PITPNM2: variants seen among roughly 807,000 people sequenced by gnomAD.
PITPNM2 encodes phosphatidylinositol transfer protein membrane associated 2.
PITPNM2 carries 35 observed loss-of-function variants against 132.2 expected under a neutral mutation model. The ratio of observed to expected loss-of-function variants is 0.26; its 90% confidence interval spans 0.20 to 0.35. The LOEUF is 0.35. Among genes scored for constraint, PITPNM2 ranks in the 10% least tolerant of loss-of-function variants. PITPNM2 has a pLI of 1.00. For synonymous variants in PITPNM2, 738 were observed against 799.2 expected (o/e 0.92, Z 1.29); for missense variants, 1,332 against 1,912.0 (o/e 0.70, Z 5.66).
In PITPNM2 at chr12:123,077,488, G is replaced by C. The variant is rs571773847; in HGVS notation, c.-96+32897C>G. On this transcript the variant is annotated intron_variant, in intron 2 of 25. Transcript: ENST00000320201. The surrounding 1 kb of genome is among the most constrained non-coding windows in gnomAD (Gnocchi z 4.8). The stretch of plus-strand genomic sequence containing the variant: ...GGTCCAACCACAGTCCAGGAAAGCA[G>C]ATTTTCTATGCCCCGTGGCAATCAC... Among the ~76,000 whole-genome samples, 3 of 152,296 alleles carry C rather than the reference G, an allele frequency of 2.0e-5. No homozygotes were observed. The East Asian group carries it at 5.8e-4, about 29-fold the overall frequency.
intron 1 of PITPNM2, 50 bp from the exon 2 acceptor site, chr12:123,110,538 TCACTC>T (rs2042814869): frequency 6.6e-6 from 1 of 152,330 alleles, no homozygotes; most frequent in South Asian, 2.1e-4. Flanking sequence ...TGGACTCTGA[TCACTC>T]CACACCAATC....
At chr12:123,037,620 C>T (rs1434360596) in intron 2 of PITPNM2, among the ~76,000 whole-genome samples, 1 of 152,212 alleles carries the variant, frequency 6.6e-6, no homozygotes, top group Non-Finnish European at 1.5e-5. Flanking sequence ...AAGCATTCTG[C>T]CCTTTGGGAG....
upstream of PITPNM2, among the ~76,000 whole-genome samples, chr12:123,151,785 G>A (rs530343323): frequency 6.6e-6 from 1 of 152,350 alleles, no homozygotes; most frequent in Admixed American, 6.5e-5. Flanking sequence ...GAGCCAGGGT[G>A]GACTTGTTTG....
chr12:123,133,920 G>C (rs2043320291), intron 1 of PITPNM2, among the ~76,000 whole-genome samples: 1 of 152,152 alleles, frequency 6.6e-6, no homozygotes, highest in African/African-American at 2.4e-5. Context: ...GACCTCAGGT[G>C]ATACGCCCAC....
At chr12:123,061,625 T>C (rs1038039799) in intron 2 of PITPNM2, among the ~76,000 whole-genome samples, 15 of 152,170 alleles carry the variant, frequency 9.9e-5, no homozygotes, top group African/African-American at 3.4e-4. Flanking sequence ...GTGGGAGTCA[T>C]TGGTCATCAC....
rs1455206406 is a variant in PITPNM2, at chr12:123,008,835, C to T, written c.643+1015G>A. On this transcript the variant is annotated intron_variant, in intron 6 of 25. Transcript: ENST00000320201. This position sits in a 1 kb window ranked among gnomAD's most constrained non-coding sequence, Gnocchi z 4.1. Reference sequence around the variant, plus strand: ...CTTCGCTTCTCCAAGTGGAAGACCGCGTCCTTGGACCCCAATCCTTTCGGG... The same window carrying T: ...CTTCGCTTCTCCAAGTGGAAGACCGTGTCCTTGGACCCCAATCCTTTCGGG... Among the ~76,000 whole-genome samples the T allele has an allele frequency of 2.0e-5, 3 of 152,224 alleles. No individual in the cohort carries two copies. The highest frequency in any genetic ancestry group is 2.1e-4 in the South Asian group (1 of 4,834).
Position 123,077,225 on chromosome 12 carries a change from C to T in PITPNM2, c.-96+33160G>A, listed in dbSNP as rs997608063. On this transcript the variant is annotated intron_variant, in intron 2 of 25. Transcript: ENST00000320201. This position sits in a 1 kb window ranked among gnomAD's most constrained non-coding sequence, Gnocchi z 4.8. ...GCTCTGCCTGAAGCCAGCCAGCAGA[C>T]GATCCTCCCTACACCACCTTCTTGG... Among the ~76,000 whole-genome samples, 16 of 152,182 alleles carry T rather than the reference C, an allele frequency of 1.1e-4. No individual in the cohort carries two copies. The East Asian group carries it at 3.1e-3, about 29-fold the overall frequency.
chr12:123,117,831 T>C lies in PITPNM2; in HGVS notation c.-199-7343A>G, dbSNP rs963284437. ...ATCATATGTTTAGCCCCCTGGACTCTAGGTGAGGCTACGGGACTAGTTATA... is the reference window on the plus strand; with the variant it reads ...ATCATATGTTTAGCCCCCTGGACTCCAGGTGAGGCTACGGGACTAGTTATA... On this transcript the variant is annotated intron_variant, in intron 1 of 25. Transcript: ENST00000320201. This position sits in a 1 kb window ranked among gnomAD's most constrained non-coding sequence, Gnocchi z 4.7. 1.3e-5 allele frequency among the ~76,000 whole-genome samples: 2 copies of C among 152,228 alleles called. No homozygotes were observed. Among genetic ancestry groups the C allele is most frequent in the South Asian group, 2.1e-4 (1 of 4,836 alleles).
At chr12:123,113,275 C>T (rs538431255) in intron 1 of PITPNM2, among the ~76,000 whole-genome samples, 1 of 152,252 alleles carries the variant, frequency 6.6e-6, no homozygotes, top group Admixed American at 6.5e-5. Flanking sequence ...AGAGAGAGAC[C>T]CATACGTATG....
chr12:123,005,624 GC>G lies in PITPNM2; in HGVS notation c.644-77del. 1.4e-6 allele frequency: 2 copies of G among 1,443,846 alleles called. No homozygotes were observed. Among genetic ancestry groups the G allele is most frequent in the South Asian group, 1.3e-5 (1 of 78,674 alleles). 89.4% of individuals were successfully genotyped at this position (1,443,846 alleles called of 1,614,324 possible). On this transcript the variant is annotated intron_variant, in intron 6 of 25. Coordinates refer to ENST00000320201, the MANE Select transcript of PITPNM2 (RefSeq NM_020845.3). The surrounding 1 kb of genome is among the most constrained non-coding windows in gnomAD (Gnocchi z 6.2). ...GCAGGAGCCTGCACGGAAGTGTGGG[GC>G]CCAGGCAGGGGCTTTGGGAGGCTGT...
At chr12:123,138,317 G>A (rs983360427) in intron 1 of PITPNM2, among the ~76,000 whole-genome samples, 1 of 152,002 alleles carries the variant, frequency 6.6e-6, no homozygotes, top group Non-Finnish European at 1.5e-5. Context: ...ACATGGTGGT[G>A]CGTGCCTGTA....
chr12:123,042,093 C>A (rs1050058711), intron 2 of PITPNM2, among the ~76,000 whole-genome samples: 2 of 152,054 alleles, frequency 1.3e-5, no homozygotes, highest in Non-Finnish European at 2.9e-5. Flanking sequence ...CAGGCACAGG[C>A]AGACGACCAA....
rs1159270464 is a variant in PITPNM2, at chr12:123,150,447, G to A, written c.-200+306C>T. 6.6e-6 allele frequency among the ~76,000 whole-genome samples: 1 copy of A among 152,006 alleles called. No individual in the cohort carries two copies. The highest frequency in any genetic ancestry group is 1.5e-5 in the Non-Finnish European group (1 of 68,008). ...GACCGCTATGACACTTGTCCCTGGC[G>A]GGGGTCCCCCACGCGGTCGCGACCG... On this transcript the variant is annotated intron_variant, in intron 1 of 25. Coordinates refer to ENST00000320201, the MANE Select transcript of PITPNM2 (RefSeq NM_020845.3). This position sits in a 1 kb window ranked among gnomAD's most constrained non-coding sequence, Gnocchi z 6.0.
intron 2 of PITPNM2, among the ~76,000 whole-genome samples, chr12:123,109,461 GAGACTC>G (rs1212870214): frequency 6.6e-6 from 1 of 152,174 alleles, no homozygotes; most frequent in Non-Finnish European, 1.5e-5. Context: ...GGCACTCCCT[GAGACTC>G]AAGACAGAGG....
rs762896348 is a variant in PITPNM2 at position 123,119,355 on chromosome 12, A to ACTTTTTTTTT, written c.-199-8868_-199-8867insAAAAAAAAAG. On this transcript the variant is annotated intron_variant, in intron 1 of 25. Coordinates refer to ENST00000320201, the MANE Select transcript of PITPNM2 (RefSeq NM_020845.3). ...CTATCTAGAAGCATAGAGGATGGTG[A>ACTTTTTTTTT]TTTTTTTTTTTTTTTTTTTTGAGAC... Among the ~76,000 whole-genome samples, 3 of 129,306 alleles carry ACTTTTTTTTT rather than the reference A, an allele frequency of 2.3e-5. 1 individual carries two copies. The highest frequency in any genetic ancestry group is 8.5e-5 in the African/African-American group (3 of 35,422). 84.8% of individuals were successfully genotyped at this position (129,306 alleles called of 152,430 possible). A position where few individuals can be genotyped will look rare whatever the true frequency, so the allele number is the denominator to read the frequency against.
At chr12:123,101,771 C>T (rs541248420) in intron 2 of PITPNM2, among the ~76,000 whole-genome samples, 1 of 152,282 alleles carries the variant, frequency 6.6e-6, no homozygotes, top group South Asian at 2.1e-4. Flanking sequence ...CTAAAACCCA[C>T]CACCAGTCCG....
intron 3 of PITPNM2, among the ~76,000 whole-genome samples, chr12:123,029,814 C>T (rs1181930199): frequency 7.1e-6 from 1 of 140,360 alleles, no homozygotes; most frequent in African/African-American, 3.0e-5. Context: ...TGTGTGTGGA[C>T]ACACATATGT....
chr12:122,987,316 G>T lies in PITPNM2; in HGVS notation c.3378C>A (p.Asp1126Glu). 6.2e-7 allele frequency: 1 copy of T among 1,612,070 alleles called. No homozygotes were observed. The highest frequency in any genetic ancestry group is 8.5e-7 in the Non-Finnish European group (1 of 1,180,010). Residue 1126 changes from aspartate (D) to glutamate (E), a missense_variant, in exon 23 of 26, where the codon GAC (aspartate) becomes GAA (glutamate). Transcript: ENST00000320201. ...CCACGGCCCCGGCCCGCACCTTGGGGTCGCTGCCCATGATGGACACGCTAG... is the reference window on the plus strand; with the variant it reads ...CCACGGCCCCGGCCCGCACCTTGGGTTCGCTGCCCATGATGGACACGCTAG... ...FAASVSIMGS[D>E]PKVRAGAVDV...
chr12:123,146,582 G>A (rs1288234692), intron 1 of PITPNM2, among the ~76,000 whole-genome samples: 2 of 151,268 alleles, frequency 1.3e-5, no homozygotes, highest in African/African-American at 2.4e-5. Context: ...CAACAAGAGC[G>A]AAATTCCATC....
Sources: allele counts gnomAD v4.1 joint callset (sites outside exome capture counted in the v4.1 genomes callset), GRCh38; gene constraint gnomAD v4.1.1; non-coding constraint Gnocchi (gnomAD v3.1); transcripts MANE v1.5; gene names NCBI Gene and HGNC (gene_info 2026-07-23, HGNC 2026-07-21).